The following CA10 variants were observed in gnomAD, a reference collection of about 807,000 sequenced individuals.
CA10 encodes the protein carbonic anhydrase 10 (inactive), also known as carbonic anhydrase-related protein 10.
In CA10, 14 loss-of-function variants were observed where a neutral mutation model predicts 44.2. The ratio of observed to expected loss-of-function variants is 0.32; its 90% confidence interval spans 0.21 to 0.50. The LOEUF (loss-of-function observed/expected upper bound fraction) is 0.50, where lower values mean the gene tolerates loss of function less well. Among genes scored for constraint, CA10 ranks in the 20% least tolerant of loss-of-function variants. The pLI is 0.99. For synonymous variants in CA10, 159 were observed against 141.6 expected, an observed-to-expected ratio of 1.12 and a Z score of -0.87; for missense variants, 350 against 409.7, an observed-to-expected ratio of 0.85 and a Z score of 1.26.
At chr17:51,935,477 C>G (rs1157590185) in intron 2 of CA10, among the ~76,000 whole-genome samples, 2 of 152,144 alleles carry the variant, frequency 1.3e-5, no homozygotes, top group South Asian at 4.1e-4. Context: ...CCTTTTTGTA[C>G]AATCTTCTAA....
chr17:51,659,552 C>T (rs140163123), intron 4 of CA10, among the ~76,000 whole-genome samples: 148 of 152,262 alleles, frequency 9.7e-4, no homozygotes, highest in African/African-American at 3.2e-3. Context: ...GGATGGGTAC[C>T]GGGTGATCAG....
intron 1 of CA10, among the ~76,000 whole-genome samples, chr17:52,150,727 T>G (rs1235367729): frequency 6.6e-6 from 1 of 152,204 alleles, no homozygotes; most frequent in East Asian, 1.9e-4. Context: ...TGTCAAATAG[T>G]GTATCTATTG....
intron 4 of CA10, among the ~76,000 whole-genome samples, chr17:51,721,804 T>C (rs1916359647): frequency 6.6e-6 from 1 of 152,148 alleles, no homozygotes; most frequent in Admixed American, 6.5e-5. Context: ...GCCTAGAAGC[T>C]TCATGCATAT....
chr17:51,946,610 C>T (rs2144025644), intron 2 of CA10, among the ~76,000 whole-genome samples: 1 of 152,240 alleles, frequency 6.6e-6, no homozygotes, highest in African/African-American at 2.4e-5. Flanking sequence ...ATGTCCCTCA[C>T]CTGGCATGCC....
chr17:51,794,089 G>A (rs1906620242), intron 3 of CA10, among the ~76,000 whole-genome samples: 1 of 152,202 alleles, frequency 6.6e-6, no homozygotes. Context: ...TAAAACAACT[G>A]CTTTCCTGCC....
chr17:52,039,754 G>A (rs756020487), intron 2 of CA10, among the ~76,000 whole-genome samples: 3 of 152,072 alleles, frequency 2.0e-5, no homozygotes, highest in Non-Finnish European at 2.9e-5. Context: ...ACACATTAGA[G>A]TTTGTCCAAA....
intron 1 of CA10, among the ~76,000 whole-genome samples, chr17:52,107,620 G>T (rs1009067891): frequency 6.6e-6 from 1 of 151,934 alleles, no homozygotes; most frequent in Non-Finnish European, 1.5e-5. Context: ...CTTATAATTT[G>T]GGGGGGAAAA....
At chr17:52,156,866 GC>G (rs1361542894) in intron 1 of CA10, among the ~76,000 whole-genome samples, 2 of 152,150 alleles carry the variant, frequency 1.3e-5, no homozygotes, top group African/African-American at 4.8e-5. Context: ...GGGGAATACT[GC>G]TGGTCCAGGG....
At chr17:51,871,139 A>G (rs1443301598) in intron 3 of CA10, among the ~76,000 whole-genome samples, 1 of 144,438 alleles carries the variant, frequency 6.9e-6, no homozygotes. Context: ...GCTCACTGCA[A>G]CCTCTGCTTC....
chr17:52,056,812 A>G (rs1346811310), intron 2 of CA10, among the ~76,000 whole-genome samples: 1 of 152,126 alleles, frequency 6.6e-6, no homozygotes, highest in South Asian at 2.1e-4. Context: ...ACTGCTCTTC[A>G]GTAAAGCTAT....
At chr17:51,878,871 T>C (rs1598096135) in intron 3 of CA10, among the ~76,000 whole-genome samples, 1 of 26,650 alleles carries the variant, frequency 3.8e-5, no homozygotes, top group South Asian at 2.0e-3. Flanking sequence ...TATATATATA[T>C]ATATATATAT....
At chr17:51,877,091 T>C (rs756455835) in intron 3 of CA10, among the ~76,000 whole-genome samples, 117 of 152,332 alleles carry the variant, frequency 7.7e-4, no homozygotes, top group African/African-American at 2.4e-3. Flanking sequence ...AGAGTGAAAG[T>C]GGGGTGGGTC....
intron 2 of CA10, among the ~76,000 whole-genome samples, chr17:51,997,738 T>C (rs1985287133): frequency 6.6e-6 from 1 of 152,036 alleles, no homozygotes; most frequent in East Asian, 1.9e-4. Flanking sequence ...TGTAACACAA[T>C]GTTGAGACAA....
chr17:51,795,549 AC>A (rs766618332), intron 3 of CA10, among the ~76,000 whole-genome samples: 13 of 152,212 alleles, frequency 8.5e-5, no homozygotes, highest in Admixed American at 4.6e-4. Flanking sequence ...AGATTTAATG[AC>A]TCAGAATACA....
intron 2 of CA10, among the ~76,000 whole-genome samples, chr17:51,940,202 A>G (rs1295959697): frequency 3.3e-5 from 5 of 152,090 alleles, no homozygotes; most frequent in African/African-American, 9.7e-5. Flanking sequence ...TTAAGTTTCC[A>G]TATGTATTGG....
At chr17:52,114,705 T>C (rs1339810454) in intron 1 of CA10, among the ~76,000 whole-genome samples, 1 of 152,196 alleles carries the variant, frequency 6.6e-6, no homozygotes, top group Non-Finnish European at 1.5e-5. Flanking sequence ...AGTTTATCAA[T>C]TTGGTAGTCT....
chr17:52,064,870 A>AT (rs1987491143), intron 2 of CA10, among the ~76,000 whole-genome samples: 1 of 152,198 alleles, frequency 6.6e-6, no homozygotes, highest in African/African-American at 2.4e-5. Context: ...CTGTATTATG[A>AT]TTTTAAGCTG....
At chr17:51,712,896 G>A (rs538290375) in intron 4 of CA10, among the ~76,000 whole-genome samples, 2 of 152,328 alleles carry the variant, frequency 1.3e-5, no homozygotes, top group South Asian at 2.1e-4. Context: ...ATAAAGGCAG[G>A]AGGAGGGTGA....
intron 3 of CA10, among the ~76,000 whole-genome samples, chr17:51,831,931 T>A (rs1386596571): frequency 3.3e-5 from 5 of 152,162 alleles, no homozygotes; most frequent in African/African-American, 1.2e-4. Flanking sequence ...GATAGGCAAC[T>A]GATGCCTACC....
Sources: allele counts gnomAD v4.1 joint callset (sites outside exome capture counted in the v4.1 genomes callset), GRCh38; gene constraint gnomAD v4.1.1; transcripts MANE v1.5; gene names NCBI Gene and HGNC (gene_info 2026-07-23, HGNC 2026-07-21).